CADPS: variants seen among roughly 807,000 people sequenced by gnomAD.
The protein encoded by CADPS is calcium-dependent secretion activator 1.
A neutral mutation model predicts 167.3 loss-of-function variants in CADPS; 57 were observed. The ratio of observed to expected loss-of-function variants is 0.34; its 90% CI spans 0.28 to 0.42. The LOEUF (loss-of-function observed/expected upper bound fraction) is 0.42. Among genes scored for constraint, CADPS ranks in the 20% least tolerant of loss-of-function variants. The pLI is 1.00. For synonymous variants in CADPS, 676 were observed against 635.3 expected (o/e 1.06, Z -0.96); for missense variants, 1,414 against 1,738.1 (o/e 0.81, Z 3.32).
chr3:62,429,051 A>C (rs759183359), intron 28 of CADPS, among the ~76,000 whole-genome samples: 2 of 152,164 alleles, frequency 1.3e-5, no homozygotes, highest in South Asian at 2.1e-4. Flanking sequence ...ACCTGTTACC[A>C]CTGAAATTTT....
At chr3:62,565,917 G>C (rs2080086846) in intron 9 of CADPS, among the ~76,000 whole-genome samples, 1 of 152,226 alleles carries the variant, frequency 6.6e-6, no homozygotes, top group South Asian at 2.1e-4. Flanking sequence ...AGTAGACTCT[G>C]TGTGTATGTG....
chr3:62,722,090 T>C (rs2075947474), intron 3 of CADPS, among the ~76,000 whole-genome samples: 1 of 152,254 alleles, frequency 6.6e-6, no homozygotes, highest in South Asian at 2.1e-4. Context: ...GTTGAGGAAA[T>C]GCAGGCTTGG....
rs774141057 is a variant in CADPS, at chr3:62,645,851, G to C, written c.1204-8C>G. The C allele has an allele frequency of 6.2e-7, 1 of 1,613,976 alleles. No individual in the cohort carries two copies. Among genetic ancestry groups the C allele is most frequent in the Admixed American group, 1.7e-5 (1 of 60,020 alleles). ...GACTTCCATAATTACCACCTGAAAA[G>C]AGAATTCCACATAATGGAGGTTATT... On this transcript the variant is annotated splice_polypyrimidine_tract_variant and splice_region_variant and intron_variant, in intron 5 of 29. Coordinates refer to ENST00000383710, the MANE Select transcript of CADPS (RefSeq NM_003716.4).
chr3:62,510,526 T>C (rs891134119), intron 17 of CADPS, among the ~76,000 whole-genome samples: 3 of 152,182 alleles, frequency 2.0e-5, no homozygotes, highest in African/African-American at 7.2e-5. Context: ...TTTTCTTTCA[T>C]AGACTAGCAG....
chr3:62,536,232 G>C (rs1481528152), intron 12 of CADPS: 1 of 432,906 alleles, frequency 2.3e-6, no homozygotes, highest in African/African-American at 2.0e-5. Context: ...GGGAGGCTGG[G>C]GAATTGGATC....
chr3:62,444,862 G>T (rs1375553875), intron 27 of CADPS, among the ~76,000 whole-genome samples: 1 of 152,112 alleles, frequency 6.6e-6, no homozygotes, highest in Admixed American at 6.5e-5. Context: ...AACAAGGGGG[G>T]TACTTAACCA....
intron 1 of CADPS, among the ~76,000 whole-genome samples, chr3:62,867,813 CTATAT>C (rs2081978690): frequency 6.6e-6 from 1 of 152,060 alleles, no homozygotes; most frequent in African/African-American, 2.4e-5. Flanking sequence ...AACAGCTTTA[CTATAT>C]TATCTCAATT....
At chr3:62,581,511 T>A (rs1434798613) in intron 8 of CADPS, among the ~76,000 whole-genome samples, 1 of 148,876 alleles carries the variant, frequency 6.7e-6, no homozygotes, top group African/African-American at 2.5e-5. Context: ...ATCCCACCTC[T>A]ACAAATTTTT....
intron 1 of CADPS, among the ~76,000 whole-genome samples, chr3:62,830,439 A>G (rs2074874564): frequency 6.6e-6 from 1 of 152,198 alleles, no homozygotes; most frequent in Non-Finnish European, 1.5e-5. Flanking sequence ...GGATATACTT[A>G]TCAGCCAAAT....
At chr3:62,639,070 C>A (rs1448223298) in intron 6 of CADPS, among the ~76,000 whole-genome samples, 3 of 152,142 alleles carry the variant, frequency 2.0e-5, no homozygotes, top group Admixed American at 6.5e-5. Context: ...CACACACAAA[C>A]TGGTCTTAAA....
At chr3:62,559,741 G>A (rs144803753) in intron 9 of CADPS, among the ~76,000 whole-genome samples, 2 of 152,100 alleles carry the variant, frequency 1.3e-5, no homozygotes, top group African/African-American at 4.8e-5. Context: ...TGATCTGCCC[G>A]CCTCAGCCTC....
At chr3:62,444,093 C>T (rs1324876156) in intron 27 of CADPS, among the ~76,000 whole-genome samples, 1 of 152,226 alleles carries the variant, frequency 6.6e-6, no homozygotes, top group Non-Finnish European at 1.5e-5. Flanking sequence ...TCAAGTTTCT[C>T]TAGGTGTTTG....
chr3:62,516,805 A>G (rs1227377669), intron 14 of CADPS, among the ~76,000 whole-genome samples, 162 bp from the exon 15 acceptor site: 2 of 152,168 alleles, frequency 1.3e-5, no homozygotes, highest in East Asian at 1.9e-4. Flanking sequence ...ATATGTGTGT[A>G]TATAATGTAT....
intron 6 of CADPS, among the ~76,000 whole-genome samples, chr3:62,600,160 T>C (rs1227954796): frequency 6.7e-6 from 1 of 149,044 alleles, no homozygotes; most frequent in South Asian, 2.1e-4. Flanking sequence ...CTTTCTTTTT[T>C]TTTTTTTTGA....
chr3:62,842,444 C>A (rs555664409), intron 1 of CADPS, among the ~76,000 whole-genome samples: 4 of 152,302 alleles, frequency 2.6e-5, no homozygotes, highest in Admixed American at 1.3e-4. Flanking sequence ...AATATGCAGC[C>A]AATCAAGATA....
intron 3 of CADPS, among the ~76,000 whole-genome samples, chr3:62,687,681 A>C (rs2078306881): frequency 6.7e-6 from 1 of 149,406 alleles, no homozygotes; most frequent in Non-Finnish European, 1.5e-5. Context: ...CTTATCCTTA[A>C]ATTTCAACAT....
At chr3:62,404,813 T>TCA (rs1707814876) in intron 28 of CADPS, 2 of 147,028 alleles carry the variant, frequency 1.4e-5, no homozygotes, top group Non-Finnish European at 3.0e-5. Flanking sequence ...GATTTGCAGT[T>TCA]CACTCCATGG....
intron 28 of CADPS, among the ~76,000 whole-genome samples, chr3:62,437,545 G>A (rs1184328164): frequency 2.6e-5 from 4 of 152,026 alleles, no homozygotes; most frequent in East Asian, 3.9e-4. Flanking sequence ...GGCAGGGGGC[G>A]CCATGGTTTA....
chr3:62,683,113 C>T (rs1293352127), intron 3 of CADPS, among the ~76,000 whole-genome samples: 1 of 151,994 alleles, frequency 6.6e-6, no homozygotes, highest in African/African-American at 2.4e-5. Flanking sequence ...GGAAGGCAGG[C>T]AGGGCCAAGT....
Sources: allele counts gnomAD v4.1 joint callset (sites outside exome capture counted in the v4.1 genomes callset), GRCh38; gene constraint gnomAD v4.1.1; transcripts MANE v1.5; gene names NCBI Gene and HGNC (gene_info 2026-07-23, HGNC 2026-07-21).